Variants in KCNMA1 observed in about 807,000 individuals in gnomAD.
KCNMA1 encodes the protein potassium calcium-activated channel subfamily M alpha 1, also known as Calcium-activated potassium channel subunit alpha-1.
KCNMA1 carries 29 observed loss-of-function variants against 140.0 expected under a neutral mutation model. The ratio of observed to expected loss-of-function variants is 0.21; its 90% CI spans 0.15 to 0.28. KCNMA1 has a LOEUF of 0.28. Among genes scored for constraint, KCNMA1 ranks in the 10% least tolerant of loss-of-function variants. The probability of loss-of-function intolerance (pLI) is 1.00; values close to 1 mark genes in which losing one functional copy is unlikely to be tolerated. For synonymous variants in KCNMA1, 612 were observed against 611.9 expected, an observed-to-expected ratio of 1.00 and a Z score of 0.00; for missense variants, 880 against 1,602.2, an observed-to-expected ratio of 0.55 and a Z score of 7.70.
intron 1 of KCNMA1, among the ~76,000 whole-genome samples, chr10:77,496,769 A>C (rs2042116045): frequency 1.3e-5 from 2 of 152,100 alleles, no homozygotes; most frequent in African/African-American, 4.8e-5. Flanking sequence ...AAGTTCAGCT[A>C]GATTAAGTGT....
At position 77,352,621 on chromosome 10, in the gene KCNMA1, GGTGT is replaced by G. The variant is rs10555644; in HGVS notation, c.540+51237_540+51240del. Among the ~76,000 whole-genome samples, 1,122 of 145,016 alleles carry G rather than the reference GGTGT, an allele frequency of 7.7e-3. 4 individuals are homozygous for G. The highest frequency in any genetic ancestry group is 0.012 in the Non-Finnish European group (766 of 64,372). ...TAAAATTTAGGATCTTGCAGTACAG[GGTGT>G]GTGTGTGTGTGTGTGTGTGTGTGTT... is the stretch of plus-strand genomic sequence containing the variant. On this transcript the variant is annotated intron_variant, in intron 2 of 27. Coordinates refer to ENST00000286628, the MANE Select transcript of KCNMA1 (RefSeq NM_001161352.2).
chr10:76,879,553 CATTT>C (rs1426676146), intron 29 of KCNMA1, among the ~76,000 whole-genome samples: 2 of 151,688 alleles, frequency 1.3e-5, no homozygotes, highest in Non-Finnish European at 2.9e-5. Context: ...TTTCTACATT[CATTT>C]ATCTTTTTGT....
intron 2 of KCNMA1, among the ~76,000 whole-genome samples, chr10:77,363,034 C>T (rs1318615493): frequency 6.6e-6 from 1 of 152,224 alleles, no homozygotes; most frequent in Non-Finnish European, 1.5e-5. Context: ...AGATCGTTAG[C>T]CCTCCAGGCA....
chr10:76,971,974 G>GT (rs1592368861), intron 19 of KCNMA1, among the ~76,000 whole-genome samples: 4 of 148,896 alleles, frequency 2.7e-5, no homozygotes, highest in African/African-American at 7.4e-5. Flanking sequence ...AGGGTGTGTG[G>GT]GTGTGTGTGT....
intron 2 of KCNMA1, among the ~76,000 whole-genome samples, chr10:77,367,469 C>T (rs1420238249): frequency 6.6e-6 from 1 of 152,196 alleles, no homozygotes; most frequent in African/African-American, 2.4e-5. Context: ...GCCCCAGCAT[C>T]ACTCAGGAGC....
intron 2 of KCNMA1, among the ~76,000 whole-genome samples, chr10:77,402,215 T>A (rs899988511): frequency 6.6e-6 from 1 of 152,196 alleles, no homozygotes; most frequent in African/African-American, 2.4e-5. Context: ...TCCACTCCTC[T>A]TCAAGCATGA....
At chr10:77,450,757 T>A (rs1297001757) in intron 1 of KCNMA1, among the ~76,000 whole-genome samples, 1 of 152,212 alleles carries the variant, frequency 6.6e-6, no homozygotes, top group African/African-American at 2.4e-5. Flanking sequence ...TGAGACTCAT[T>A]CCAGGAGGTT....
At chr10:77,456,070 G>A (rs929113990) in intron 1 of KCNMA1, among the ~76,000 whole-genome samples, 14 of 152,162 alleles carry the variant, frequency 9.2e-5, no homozygotes, top group Non-Finnish European at 1.3e-4. Context: ...GCACTGTGCT[G>A]ACAAGGAAGC....
At chr10:77,038,533 A>T (rs2094470918) in intron 15 of KCNMA1, among the ~76,000 whole-genome samples, 1 of 152,066 alleles carries the variant, frequency 6.6e-6, no homozygotes, top group African/African-American at 2.4e-5. Flanking sequence ...TAAACTCAAC[A>T]TCTGAGATTT....
At chr10:77,223,449 C>A (rs1321630371) in intron 3 of KCNMA1, among the ~76,000 whole-genome samples, 1 of 152,050 alleles carries the variant, frequency 6.6e-6, no homozygotes, top group East Asian at 1.9e-4. Flanking sequence ...GTTTGTCCCC[C>A]AAACAAGTTG....
At chr10:77,242,093 T>G (rs1350968830) in intron 3 of KCNMA1, among the ~76,000 whole-genome samples, 1 of 152,162 alleles carries the variant, frequency 6.6e-6, no homozygotes, top group Non-Finnish European at 1.5e-5. Flanking sequence ...ATGCTCTGTA[T>G]GTGGCAAGTT....
At chr10:77,156,517 T>C (rs934048538) in intron 5 of KCNMA1, among the ~76,000 whole-genome samples, 2 of 152,322 alleles carry the variant, frequency 1.3e-5, no homozygotes, top group African/African-American at 2.4e-5. Flanking sequence ...GGGAGGAATT[T>C]ATAGTTTAAC....
At chr10:77,013,413 C>G (rs536531545) in intron 17 of KCNMA1, among the ~76,000 whole-genome samples, 7 of 152,056 alleles carry the variant, frequency 4.6e-5, no homozygotes, top group Admixed American at 3.3e-4. Context: ...CAGCTGTCAT[C>G]TATGTCTCAA....
At chr10:76,942,437 G>A (rs1689818333) in intron 23 of KCNMA1, among the ~76,000 whole-genome samples, 4 of 152,354 alleles carry the variant, frequency 2.6e-5, no homozygotes, top group Admixed American at 2.6e-4. Context: ...CTGTGTGCAT[G>A]TGTGTATACA....
At chr10:77,136,223 T>C (rs2098022130) in intron 5 of KCNMA1, among the ~76,000 whole-genome samples, 1 of 152,208 alleles carries the variant, frequency 6.6e-6, no homozygotes, top group Admixed American at 6.5e-5. Context: ...AAATTGTTCA[T>C]TAAGCAAGAA....
intron 2 of KCNMA1, among the ~76,000 whole-genome samples, chr10:77,347,711 T>C (rs1325315186): frequency 6.6e-6 from 1 of 152,182 alleles, no homozygotes; most frequent in East Asian, 1.9e-4. Context: ...AAGGTAGGAT[T>C]CTTATACTAC....
chr10:77,226,704 T>G (rs1425186072), intron 3 of KCNMA1, among the ~76,000 whole-genome samples: 1 of 152,198 alleles, frequency 6.6e-6, no homozygotes, highest in African/African-American at 2.4e-5. Flanking sequence ...ATGGGAGTCA[T>G]TCATCTTTCC....
At chr10:76,959,188 G>A (rs79291395) in intron 20 of KCNMA1, among the ~76,000 whole-genome samples, 2,816 of 152,240 alleles carry the variant, frequency 0.018, 78 homozygotes, top group African/African-American at 0.063. Flanking sequence ...TGCATTTGAG[G>A]ATCAATGCCA....
chr10:77,148,630 T>G (rs2098358781), intron 5 of KCNMA1, among the ~76,000 whole-genome samples: 1 of 152,170 alleles, frequency 6.6e-6, no homozygotes, highest in Non-Finnish European at 1.5e-5. Flanking sequence ...AAATCAGGGG[T>G]TGCCAATTTT....
Sources: gnomAD v4.1 joint callset for allele counts (sites outside exome capture counted in the v4.1 genomes callset) on GRCh38, gnomAD v4.1.1 for gene constraint, MANE v1.5 for transcripts, NCBI Gene and HGNC (gene_info 2026-07-23, HGNC 2026-07-21) for gene names.